Variants in PIGN observed in about 807,000 individuals in gnomAD.
The protein encoded by PIGN is GPI ethanolamine phosphate transferase 1.
Under a neutral mutation model 125.4 loss-of-function variants are expected in PIGN, and 117 were observed. The observed-to-expected ratio is 0.93, with a 90% confidence interval of 0.80 to 1.09. The LOEUF (loss-of-function observed/expected upper bound fraction) is 1.09, where lower values mean the gene tolerates loss of function less well. Among genes scored for constraint, PIGN ranks in the 50% least tolerant of loss-of-function variants. The pLI, the probability that PIGN is intolerant of heterozygous loss-of-function variation, is 0.00. For missense variants in PIGN, 1,075 were observed against 1,094.9 expected, an observed-to-expected ratio of 0.98 and a Z score of 0.26; for synonymous variants, 392 against 377.8, an observed-to-expected ratio of 1.04 and a Z score of -0.44.
chr18:62,180,719 AT>A (rs1013686677), intron 1 of PIGN, among the ~76,000 whole-genome samples: 1 of 152,130 alleles, frequency 6.6e-6, no homozygotes, highest in Non-Finnish European at 1.5e-5. Flanking sequence ...GTACATTACA[AT>A]TATATGTGTG....
At chr18:62,035,869 G>T (rs982258987) in intron 23 of PIGN, among the ~76,000 whole-genome samples, 1 of 152,138 alleles carries the variant, frequency 6.6e-6, no homozygotes, top group South Asian at 2.1e-4. Context: ...ACCAAAAAAG[G>T]CTTTACTTTT....
At chr18:62,050,367 T>C (rs1351497172) in intron 30 of PIGN, among the ~76,000 whole-genome samples, 1 of 152,148 alleles carries the variant, frequency 6.6e-6, no homozygotes, top group African/African-American at 2.4e-5. Flanking sequence ...GTATCCTCTT[T>C]TATTTCATTG....
intron 4 of PIGN, among the ~76,000 whole-genome samples, chr18:62,158,533 T>C (rs966004872): frequency 6.6e-6 from 1 of 152,232 alleles, no homozygotes; most frequent in African/African-American, 2.4e-5. Context: ...TTATTTAAGT[T>C]GTATCCACAG....
At position 62,145,950 on chromosome 18, in the gene PIGN, T is replaced by C. The variant is rs369738113; in HGVS notation, c.881A>G (p.Gln294Arg). 36 of 1,608,304 alleles carry C rather than the reference T, an allele frequency of 2.2e-5. 1 individual carries two copies. Among genetic ancestry groups the C allele is most frequent in the Non-Finnish European group, 3.0e-5 (35 of 1,175,718 alleles). ...VTWGAGIKYP[Q>R]RVSAQQFDDA... ...ATCAAATTGCTGAGCTGATACTCTT[T>C]GGGGATACTTGATTCCAGCTCCCCA... The change falls in exon 10 of 31, where the codon CAA (glutamine) becomes CGA (arginine). Residue 294 changes from glutamine (Q) to arginine (R), a missense_variant. Gln to Arg is a conservative substitution (Grantham distance 43, BLOSUM62 1). Around this residue, in one of 3 missense-constraint regions of PIGN, gnomAD observed 915 missense variants for 908.7 expected, o/e 1.01. Transcript: ENST00000640252.
At chr18:62,031,912 C>T (rs1463732525) in intron 23 of PIGN, among the ~76,000 whole-genome samples, 4 of 152,112 alleles carry the variant, frequency 2.6e-5, no homozygotes. Flanking sequence ...AGTCCTATAT[C>T]CAGGTACCAG....
chr18:62,064,916 C>T (rs1220940558), intron 30 of PIGN, among the ~76,000 whole-genome samples: 4 of 50,188 alleles, frequency 8.0e-5, no homozygotes, highest in African/African-American at 1.7e-4. Context: ...GAACTTGACA[C>T]TTCTAAAAAA....
chr18:62,089,350 C>T (rs1053260567), intron 24 of PIGN, among the ~76,000 whole-genome samples: 5 of 152,104 alleles, frequency 3.3e-5, no homozygotes, highest in African/African-American at 1.2e-4. Context: ...CCACTCAATC[C>T]AACAAGGTGA....
At chr18:62,169,236 C>G (rs867619955) in intron 1 of PIGN, among the ~76,000 whole-genome samples, 1 of 152,114 alleles carries the variant, frequency 6.6e-6, no homozygotes, top group Non-Finnish European at 1.5e-5. Context: ...TCTCTTCCAT[C>G]TGAATTCTTC....
chr18:62,159,036 G>A (rs2036843680), intron 4 of PIGN, among the ~76,000 whole-genome samples: 1 of 152,214 alleles, frequency 6.6e-6, no homozygotes, highest in South Asian at 2.1e-4. Flanking sequence ...TGGAGGTCAG[G>A]AGTTCGAAAC....
At chr18:62,136,644 G>T (rs1199323694) in intron 14 of PIGN, 1 of 152,968 alleles carries the variant, frequency 6.5e-6, no homozygotes, top group African/African-American at 2.4e-5. Context: ...ACCGTGCCCG[G>T]CCGCCTTTCT....
At chr18:62,183,117 G>C (rs2037774275) in intron 1 of PIGN, among the ~76,000 whole-genome samples, 1 of 152,136 alleles carries the variant, frequency 6.6e-6, no homozygotes, top group East Asian at 1.9e-4. Context: ...TCACAAAAAT[G>C]ATAACTATGT....
intron 7 of PIGN, chr18:62,153,316 C>T (rs926361185): frequency 6.6e-6 from 1 of 152,138 alleles, no homozygotes; most frequent in Non-Finnish European, 1.5e-5. Context: ...TTCATTATAA[C>T]TTGGTTAATA....
intron 28 of PIGN, chr18:62,075,773 A>T (rs1328804787): frequency 6.6e-6 from 1 of 152,194 alleles, no homozygotes; most frequent in African/African-American, 2.4e-5. Flanking sequence ...TTCATAAGAA[A>T]CTGTAAAACT....
At chr18:62,122,207 G>A (rs2035335875) in intron 14 of PIGN, among the ~76,000 whole-genome samples, 1 of 151,948 alleles carries the variant, frequency 6.6e-6, no homozygotes, top group African/African-American at 2.4e-5. Context: ...AAAAGATCCT[G>A]GTGTACAGAA....
At chr18:62,151,750 C>T (rs1038624513) in intron 7 of PIGN, among the ~76,000 whole-genome samples, 14 of 152,302 alleles carry the variant, frequency 9.2e-5, no homozygotes, top group African/African-American at 3.4e-4. Flanking sequence ...CTTATGACCC[C>T]CAGTCGAAGT....
At chr18:62,084,868 C>T (rs1488259009) in intron 26 of PIGN, among the ~76,000 whole-genome samples, 1 of 152,210 alleles carries the variant, frequency 6.6e-6, no homozygotes, top group Non-Finnish European at 1.5e-5. Context: ...AGCACTTTGG[C>T]AGGCTGAGGC....
At chr18:62,159,042 G>A (rs12327227) in intron 4 of PIGN, among the ~76,000 whole-genome samples, 10,421 of 152,228 alleles carry the variant, frequency 0.068, 428 homozygotes, top group Middle Eastern at 0.15. Flanking sequence ...TCAGGAGTTC[G>A]AAACCAGCCT....
chr18:62,091,623 T>C (rs529121469), intron 23 of PIGN, among the ~76,000 whole-genome samples: 315 of 152,290 alleles, frequency 2.1e-3, no homozygotes, highest in African/African-American at 7.2e-3. Flanking sequence ...TGATTAAATG[T>C]GTGGTACACC....
intron 5 of PIGN, among the ~76,000 whole-genome samples, chr18:62,157,452 A>T (rs944055530): frequency 2.0e-5 from 3 of 152,216 alleles, no homozygotes; most frequent in African/African-American, 7.2e-5. Flanking sequence ...AGTAATATCT[A>T]GGAAAATTAT....
Sources: allele counts gnomAD v4.1 joint callset (sites outside exome capture counted in the v4.1 genomes callset), GRCh38; gene constraint gnomAD v4.1.1; regional missense constraint gnomAD v4.1.1; transcripts MANE v1.5; gene names NCBI Gene and HGNC (gene_info 2026-07-23, HGNC 2026-07-21).